The following KCND2 variants were observed in gnomAD, a reference collection of about 807,000 sequenced individuals.
KCND2 encodes A-type voltage-gated potassium channel KCND2.
In KCND2, 16 loss-of-function variants were observed where a neutral mutation model predicts 54.4. That is an observed-to-expected ratio of 0.29 (90% CI 0.20 to 0.45). The LOEUF (loss-of-function observed/expected upper bound fraction) is 0.45, where lower values mean the gene tolerates loss of function less well. KCND2 is among the 20% of genes least tolerant of loss of function. KCND2 has a pLI of 1.00. For synonymous variants in KCND2, 317 were observed against 310.7 expected, an observed-to-expected ratio of 1.02 and a Z score of -0.21; for missense variants, 486 against 824.2, an observed-to-expected ratio of 0.59 and a Z score of 5.02.
chr7:120,597,108 G>T (rs1792755247), intron 1 of KCND2, among the ~76,000 whole-genome samples: 1 of 152,172 alleles, frequency 6.6e-6, no homozygotes, highest in South Asian at 2.1e-4. Flanking sequence ...AGGGAGATCA[G>T]TTAGGTTACT....
At chr7:120,563,096 T>C (rs1247805645) in intron 1 of KCND2, among the ~76,000 whole-genome samples, 1 of 152,218 alleles carries the variant, frequency 6.6e-6, no homozygotes, top group Non-Finnish European at 1.5e-5. Context: ...ATATCTTGTT[T>C]ATCATAGTTA....
At chr7:120,512,616 G>A (rs189793615) in intron 1 of KCND2, among the ~76,000 whole-genome samples, 1 of 151,912 alleles carries the variant, frequency 6.6e-6, no homozygotes, top group Admixed American at 6.6e-5. Flanking sequence ...TATGTAGACG[G>A]GTTCATTTAG....
chr7:120,325,586 T>C (rs1001338171), intron 1 of KCND2, among the ~76,000 whole-genome samples: 1 of 151,768 alleles, frequency 6.6e-6, no homozygotes, highest in African/African-American at 2.4e-5. Flanking sequence ...TGGCTCTGTT[T>C]ATATGCTGGA....
chr7:120,583,355 A>T (rs1193045532), intron 1 of KCND2, among the ~76,000 whole-genome samples: 2 of 152,198 alleles, frequency 1.3e-5, no homozygotes, highest in Non-Finnish European at 2.9e-5. Context: ...TAATGTGGAT[A>T]TAATGTTAGT....
At chr7:120,618,194 G>A (rs1793053287) in intron 1 of KCND2, among the ~76,000 whole-genome samples, 1 of 152,104 alleles carries the variant, frequency 6.6e-6, no homozygotes, top group Non-Finnish European at 1.5e-5. Flanking sequence ...AAATAAATAA[G>A]CCAATGTACT....
At chr7:120,582,954 ATG>A (rs10631536) in intron 1 of KCND2, among the ~76,000 whole-genome samples, 2,764 of 147,442 alleles carry the variant, frequency 0.019, 51 homozygotes, top group African/African-American at 0.053. Context: ...GTGTGTGTGT[ATG>A]TGTGTGTGTG....
intron 1 of KCND2, among the ~76,000 whole-genome samples, chr7:120,346,943 C>T (rs1370228886): frequency 6.6e-6 from 1 of 152,202 alleles, no homozygotes; most frequent in Non-Finnish European, 1.5e-5. Flanking sequence ...TGAGAGGTTA[C>T]TTCCCACATA....
At chr7:120,499,802 T>A (rs1271179591) in intron 1 of KCND2, among the ~76,000 whole-genome samples, 1 of 152,138 alleles carries the variant, frequency 6.6e-6, no homozygotes, top group African/African-American at 2.4e-5. Context: ...TTAAATAATC[T>A]ACTTCATCTA....
At position 120,500,678 on chromosome 7, in the gene KCND2, T is replaced by G. The variant is rs550485158; in HGVS notation, c.1115+224931T>G. Among the ~76,000 whole-genome samples the G allele has an allele frequency of 3.3e-5, 5 of 152,116 alleles. No homozygotes were observed. In the East Asian group the frequency reaches 9.6e-4, roughly 29 times the overall value. ...AGCAAAATTAAAATTATGTTTGAGT[T>G]ATACAACATTATAAAAAATGCAGAA... On this transcript the variant is annotated intron_variant, in intron 1 of 5. Transcript: ENST00000331113.
At chr7:120,732,794 T>C (rs1249377990) in intron 1 of KCND2, 109 bp from the exon 2 acceptor site, 6 of 801,942 alleles carry the variant, frequency 7.5e-6, no homozygotes, top group African/African-American at 1.7e-5. Context: ...AAAGTAGAAA[T>C]AGATATGTCC....
chr7:120,294,366 A>G (rs1202381950), intron 1 of KCND2, among the ~76,000 whole-genome samples: 1 of 151,902 alleles, frequency 6.6e-6, no homozygotes, highest in Non-Finnish European at 1.5e-5. Context: ...GCAATAACGA[A>G]TATATTTATC....
At chr7:120,579,785 T>G (rs527537315) in intron 1 of KCND2, among the ~76,000 whole-genome samples, 7 of 152,222 alleles carry the variant, frequency 4.6e-5, no homozygotes, top group African/African-American at 1.7e-4. Context: ...AGTAAAACAT[T>G]ATACAATAAG....
intron 1 of KCND2, among the ~76,000 whole-genome samples, chr7:120,731,898 T>G (rs1478104024): frequency 1.3e-5 from 2 of 152,136 alleles, no homozygotes; most frequent in Non-Finnish European, 2.9e-5. Flanking sequence ...TGTTTAATTA[T>G]AAGTGGCAGA....
At chr7:120,657,899 A>T (rs1791822268) in intron 1 of KCND2, among the ~76,000 whole-genome samples, 1 of 152,122 alleles carries the variant, frequency 6.6e-6, no homozygotes, top group African/African-American at 2.4e-5. Context: ...TCATTTATCC[A>T]TGTGCTTTGC....
At chr7:120,595,511 A>G (rs565779843) in intron 1 of KCND2, among the ~76,000 whole-genome samples, 2,708 of 120,724 alleles carry the variant, frequency 0.022, 112 homozygotes, top group African/African-American at 0.073. Flanking sequence ...GTGTGTGTGT[A>G]TATATATGTA....
rs747037415 is a variant in KCND2, at chr7:120,275,607, C to T, written c.975C>T (p.Gly325=). The T allele has an allele frequency of 1.2e-6, 2 of 1,612,302 alleles. No homozygotes were observed. The highest frequency in any genetic ancestry group is 2.7e-5 in the African/African-American group (2 of 74,842). Residue 325 remains glycine (G), a synonymous_variant, in exon 1 of 6, where the codon GGC becomes GGT. Coordinates refer to ENST00000331113, the MANE Select transcript of KCND2 (RefSeq NM_012281.3). ...TGAAGAGTTGTGCCTCAGAATTGGGCTTCTTGCTTTTCTCGCTCACCATGG... is the reference window on the plus strand; with the variant it reads ...TGAAGAGTTGTGCCTCAGAATTGGGTTTCTTGCTTTTCTCGCTCACCATGG... ...YTLKSCASEL[G]FLLFSLTMAI...
At chr7:120,725,186 T>C (rs536590321) in intron 1 of KCND2, among the ~76,000 whole-genome samples, 1 of 152,322 alleles carries the variant, frequency 6.6e-6, no homozygotes, top group East Asian at 1.9e-4. Flanking sequence ...ATGTTGAGAA[T>C]GTTGAGTAGA....
chr7:120,321,976 G>A (rs1339565412), intron 1 of KCND2, among the ~76,000 whole-genome samples: 1 of 151,984 alleles, frequency 6.6e-6, no homozygotes, highest in African/African-American at 2.4e-5. Flanking sequence ...GAGAAAATAT[G>A]AGTAGGAAAT....
At chr7:120,645,886 C>A (rs1429652656) in intron 1 of KCND2, among the ~76,000 whole-genome samples, 1 of 152,194 alleles carries the variant, frequency 6.6e-6, no homozygotes, top group Non-Finnish European at 1.5e-5. Flanking sequence ...TAGATAAAGA[C>A]ATGAACTCAG....
Sources: gnomAD v4.1 joint callset for allele counts (sites outside exome capture counted in the v4.1 genomes callset) on GRCh38, gnomAD v4.1.1 for gene constraint, MANE v1.5 for transcripts, NCBI Gene and HGNC (gene_info 2026-07-23, HGNC 2026-07-21) for gene names.